Variants in KCNAB1 observed in about 807,000 individuals in gnomAD.
KCNAB1 encodes the protein potassium voltage-gated channel subfamily A regulatory beta subunit 1.
In KCNAB1, 35 loss-of-function variants were observed where a neutral mutation model predicts 64.6. The ratio of observed to expected loss-of-function variants is 0.54; its 90% CI spans 0.41 to 0.72. KCNAB1 has a LOEUF of 0.72. KCNAB1 is among the 30% of genes least tolerant of loss of function. The pLI is 0.00. For synonymous variants in KCNAB1, 177 were observed against 183.8 expected, an observed-to-expected ratio of 0.96 and a Z score of 0.30; for missense variants, 401 against 512.9, an observed-to-expected ratio of 0.78 and a Z score of 2.11.
intron 1 of KCNAB1, among the ~76,000 whole-genome samples, chr3:156,149,303 G>T (rs9882088): frequency 6.6e-6 from 1 of 151,880 alleles, no homozygotes; most frequent in Admixed American, 6.6e-5. Context: ...CAGGAAGGAA[G>T]CTTCCAGGCT....
At chr3:156,464,359 C>T (rs1713175163) in intron 6 of KCNAB1, among the ~76,000 whole-genome samples, 1 of 152,152 alleles carries the variant, frequency 6.6e-6, no homozygotes, top group South Asian at 2.1e-4. Flanking sequence ...CTGGTACTTA[C>T]ATTATTCAGC....
At chr3:156,418,040 G>T (rs574342139) in intron 1 of KCNAB1, among the ~76,000 whole-genome samples, 278 of 152,200 alleles carry the variant, frequency 1.8e-3, no homozygotes, top group Admixed American at 2.9e-3. Flanking sequence ...AGAAAGAGGA[G>T]CTTTTATTTT....
At chr3:156,464,626 C>T (rs920578739) in intron 6 of KCNAB1, among the ~76,000 whole-genome samples, 1 of 152,020 alleles carries the variant, frequency 6.6e-6, no homozygotes, top group African/African-American at 2.4e-5. Flanking sequence ...ACCTTCTAAT[C>T]AAAATGTCTA....
chr3:156,454,321 C>T (rs1324187950), intron 3 of KCNAB1, among the ~76,000 whole-genome samples: 2 of 152,142 alleles, frequency 1.3e-5, no homozygotes, highest in African/African-American at 4.8e-5. Context: ...TGGGGATCTC[C>T]AAAGCTGAGA....
intron 1 of KCNAB1, among the ~76,000 whole-genome samples, chr3:156,164,772 T>A (rs1716272128): frequency 6.6e-6 from 1 of 152,202 alleles, no homozygotes; most frequent in South Asian, 2.1e-4. Flanking sequence ...TAAAACTTTC[T>A]CTTCTTTTTA....
At chr3:156,400,529 A>G (rs1713816656) in intron 1 of KCNAB1, among the ~76,000 whole-genome samples, 1 of 152,172 alleles carries the variant, frequency 6.6e-6, no homozygotes. Flanking sequence ...AAATTTTCTG[A>G]TAGTTTTCCA....
At chr3:156,474,692 C>T (rs1714205506) in intron 7 of KCNAB1, 42 bp from the exon 8 acceptor site, 1 of 1,388,136 alleles carries the variant, frequency 7.2e-7, no homozygotes, top group Non-Finnish European at 1.0e-6. Flanking sequence ...GAATAGTGCT[C>T]ATATTTAGAT....
At chr3:156,447,162 C>T (rs4574239) in intron 2 of KCNAB1, among the ~76,000 whole-genome samples, 34,035 of 152,092 alleles carry the variant, frequency 0.22, 7,244 homozygotes, top group African/African-American at 0.56. Context: ...TCTGGCCACC[C>T]TATCTAAAAT....
At position 156,480,506 on chromosome 3, in the gene KCNAB1, T is replaced by C. The variant is rs1471849755; in HGVS notation, c.658+5686T>C. ...CACATGTATACCTATGTAACAAACT[T>C]GCACGTCCTGCACATGTATTTCTGA... On this transcript the variant is annotated intron_variant, in intron 8 of 13. Coordinates refer to ENST00000490337, the MANE Select transcript of KCNAB1 (RefSeq NM_172160.3). Among the ~76,000 whole-genome samples the C allele has an allele frequency of 2.0e-5, 3 of 151,776 alleles. No individual in the cohort carries two copies. The East Asian group carries it at 5.8e-4, about 29-fold the overall frequency.
chr3:156,350,506 CAAAA>C (rs60606856), intron 1 of KCNAB1, among the ~76,000 whole-genome samples: 7 of 98,920 alleles, frequency 7.1e-5, no homozygotes, highest in Non-Finnish European at 8.8e-5. Flanking sequence ...GACCCTGTCT[CAAAA>C]AAAAAAAAAA....
At chr3:156,406,823 C>A (rs1384397473) in intron 1 of KCNAB1, among the ~76,000 whole-genome samples, 1 of 152,088 alleles carries the variant, frequency 6.6e-6, no homozygotes, top group African/African-American at 2.4e-5. Context: ...AGTAGAGAGC[C>A]TAAGACAAGA....
intron 6 of KCNAB1, among the ~76,000 whole-genome samples, chr3:156,464,618 C>G (rs891332879): frequency 6.6e-6 from 1 of 151,862 alleles, no homozygotes; most frequent in Admixed American, 6.6e-5. Flanking sequence ...CTTTAGGAAC[C>G]TTCTAATCAA....
At chr3:156,231,291 C>G (rs1032113550) in intron 1 of KCNAB1, among the ~76,000 whole-genome samples, 3 of 152,138 alleles carry the variant, frequency 2.0e-5, no homozygotes, top group Non-Finnish European at 4.4e-5. Context: ...ACCATAAATT[C>G]TCATCAGATG....
chr3:156,143,462 G>T, intron 1 of KCNAB1: 1 of 1,300,060 alleles, frequency 7.7e-7, no homozygotes, highest in South Asian at 1.9e-5. Context: ...GCACTGCACT[G>T]ATGTCAAAGG....
At chr3:156,387,330 G>C (rs1450918932) in intron 1 of KCNAB1, among the ~76,000 whole-genome samples, 1 of 152,174 alleles carries the variant, frequency 6.6e-6, no homozygotes. Flanking sequence ...TGGACAGAGA[G>C]ACAAGCCCAA....
chr3:156,455,468 TAAAG>T (rs1261384239), intron 3 of KCNAB1, among the ~76,000 whole-genome samples: 1 of 152,176 alleles, frequency 6.6e-6, no homozygotes. Flanking sequence ...CATCAAAAAA[TAAAG>T]ATAGATGTTA....
intron 1 of KCNAB1, among the ~76,000 whole-genome samples, chr3:156,278,953 T>A (rs1719522189): frequency 6.6e-6 from 1 of 151,972 alleles, no homozygotes; most frequent in Admixed American, 6.5e-5. Context: ...ATTTTTTTAT[T>A]TATTTTTATT....
chr3:156,344,688 C>T (rs185550046), intron 1 of KCNAB1, among the ~76,000 whole-genome samples: 72 of 151,930 alleles, frequency 4.7e-4, no homozygotes, highest in Admixed American at 8.5e-4. Flanking sequence ...CAACATGGTC[C>T]GAGAATTACA....
intron 1 of KCNAB1, among the ~76,000 whole-genome samples, chr3:156,126,250 G>A (rs1264259184): frequency 1.3e-5 from 2 of 152,108 alleles, no homozygotes; most frequent in Admixed American, 6.6e-5. Context: ...CAAGAGGAGA[G>A]GAGGCCATTT....
Sources: gnomAD v4.1 joint callset for allele counts (sites outside exome capture counted in the v4.1 genomes callset) on GRCh38, gnomAD v4.1.1 for gene constraint, MANE v1.5 for transcripts, NCBI Gene and HGNC (gene_info 2026-07-23, HGNC 2026-07-21) for gene names.